The following BABAM2 variants were observed in gnomAD, a reference collection of about 807,000 sequenced individuals.
BABAM2 encodes the protein BRISC and BRCA1 A complex member 2, also known as BRISC and BRCA1-A complex member 2.
Under a neutral mutation model 54.7 loss-of-function variants are expected in BABAM2, and 31 were observed. That is an observed-to-expected ratio of 0.57 (90% confidence interval 0.43 to 0.77). BABAM2 has a LOEUF of 0.77. Among genes scored for constraint, BABAM2 ranks in the 30% least tolerant of loss-of-function variants. BABAM2 has a pLI of 0.00. For synonymous variants in BABAM2, 167 were observed against 162.9 expected (o/e 1.03, Z -0.19); for missense variants, 364 against 455.8 (o/e 0.80, Z 1.83).
intron 10 of BABAM2, among the ~76,000 whole-genome samples, chr2:28,286,143 A>G (rs1171395388): frequency 6.6e-6 from 1 of 151,886 alleles, no homozygotes; most frequent in Non-Finnish European, 1.5e-5. Context: ...TTTATTAGAA[A>G]CAGGGTTTCA....
At chr2:28,222,755 A>AC (rs1373743206) in intron 7 of BABAM2, among the ~76,000 whole-genome samples, 1 of 151,888 alleles carries the variant, frequency 6.6e-6, no homozygotes, top group African/African-American at 2.4e-5. Flanking sequence ...AGTTCCCAGA[A>AC]CCCCTTCTCT....
At chr2:28,041,217 A>G (rs1370879784) in intron 5 of BABAM2, among the ~76,000 whole-genome samples, 1 of 152,240 alleles carries the variant, frequency 6.6e-6, no homozygotes, top group Non-Finnish European at 1.5e-5. Context: ...ATATATATAT[A>G]CACACCTCTG....
At chr2:28,311,688 T>C (rs1689101681) in intron 11 of BABAM2, among the ~76,000 whole-genome samples, 1 of 152,236 alleles carries the variant, frequency 6.6e-6, no homozygotes, top group Non-Finnish European at 1.5e-5. Context: ...AGTACTGGGC[T>C]AGTACCCACC....
chr2:27,951,603 G>A (rs564216709), intron 3 of BABAM2, among the ~76,000 whole-genome samples: 17 of 152,184 alleles, frequency 1.1e-4, no homozygotes, highest in Non-Finnish European at 2.2e-4. Context: ...CTTTGGTAGA[G>A]TGTTCCATAA....
At chr2:28,308,459 G>T in intron 11 of BABAM2, 2 of 528,636 alleles carry the variant, frequency 3.8e-6, no homozygotes, top group South Asian at 1.4e-5. Flanking sequence ...TGTCCATTGT[G>T]GATGTCAAAG....
At chr2:28,117,078 G>A (rs1177370810) in intron 6 of BABAM2, among the ~76,000 whole-genome samples, 2 of 152,222 alleles carry the variant, frequency 1.3e-5, no homozygotes, top group African/African-American at 4.8e-5. Context: ...GGCCCAGGAT[G>A]TGTTACTGTG....
intron 3 of BABAM2, among the ~76,000 whole-genome samples, chr2:27,958,186 G>T (rs1670226431): frequency 6.6e-6 from 1 of 152,148 alleles, no homozygotes; most frequent in African/African-American, 2.4e-5. Context: ...TAAGAAAATG[G>T]TTGTTTTAAG....
At chr2:27,894,924 T>G in intron 2 of BABAM2, 1 of 467,796 alleles carries the variant, frequency 2.1e-6, no homozygotes. Context: ...TTTTTCTGTT[T>G]TTTCTTTGTG....
intron 10 of BABAM2, among the ~76,000 whole-genome samples, chr2:28,279,791 G>A (rs1252637582): frequency 6.8e-6 from 1 of 147,920 alleles, no homozygotes; most frequent in Admixed American, 6.9e-5. Flanking sequence ...TCAGCCTCCC[G>A]AGTAGCTGGG....
At chr2:28,073,433 G>C (rs1664356989) in intron 6 of BABAM2, among the ~76,000 whole-genome samples, 1 of 152,168 alleles carries the variant, frequency 6.6e-6, no homozygotes. Flanking sequence ...CAAAATTTAA[G>C]GTTGAAGTAA....
intron 3 of BABAM2, among the ~76,000 whole-genome samples, chr2:27,986,104 G>T (rs1368237014): frequency 1.3e-5 from 2 of 152,080 alleles, no homozygotes; most frequent in Non-Finnish European, 2.9e-5. Context: ...TTGACTGGAA[G>T]AAAAGACAGG....
intron 7 of BABAM2, among the ~76,000 whole-genome samples, chr2:28,180,808 T>G (rs1158640163): frequency 6.6e-6 from 1 of 152,062 alleles, no homozygotes. Context: ...AAGACATGAA[T>G]GTACATTTTT....
chr2:28,241,523 C>G (rs185350860), intron 9 of BABAM2, 130 bp downstream of exon 9: 5 of 806,484 alleles, frequency 6.2e-6, no homozygotes, highest in South Asian at 1.6e-5. Context: ...TTGAGACAGT[C>G]TCGCTCTGTC....
At chr2:27,981,615 A>G (rs1476775914) in intron 3 of BABAM2, among the ~76,000 whole-genome samples, 1 of 152,148 alleles carries the variant, frequency 6.6e-6, no homozygotes, top group Non-Finnish European at 1.5e-5. Flanking sequence ...TAATAATACA[A>G]TAAGTAGCCT....
At chr2:28,100,607 TA>T (rs1272558451) in intron 6 of BABAM2, among the ~76,000 whole-genome samples, 1 of 151,990 alleles carries the variant, frequency 6.6e-6, no homozygotes, top group East Asian at 1.9e-4. Context: ...CCAAACTCAA[TA>T]AATGATTTCA....
At chr2:28,103,484 T>A (rs1667256372) in intron 6 of BABAM2, among the ~76,000 whole-genome samples, 1 of 152,156 alleles carries the variant, frequency 6.6e-6, no homozygotes, top group Non-Finnish European at 1.5e-5. Context: ...AATTTTTGTA[T>A]TTTTTGTGGA....
At chr2:28,037,758 G>T (rs990382308) in intron 5 of BABAM2, among the ~76,000 whole-genome samples, 7 of 152,052 alleles carry the variant, frequency 4.6e-5, no homozygotes, top group African/African-American at 1.4e-4. Flanking sequence ...TTTTTGTCAC[G>T]GCCAAGTAGC....
chr2:28,299,139 G>A (rs1228466528), intron 11 of BABAM2, among the ~76,000 whole-genome samples: 1 of 152,188 alleles, frequency 6.6e-6, no homozygotes, highest in African/African-American at 2.4e-5. Flanking sequence ...AGTAGGACCT[G>A]TGTATTTCTT....
At chr2:28,025,937 G>A (rs1165539823) in intron 5 of BABAM2, among the ~76,000 whole-genome samples, 1 of 152,086 alleles carries the variant, frequency 6.6e-6, no homozygotes, top group East Asian at 1.9e-4. Flanking sequence ...AGAACCTTAT[G>A]TACTTCTCTT....
Sources: allele counts gnomAD v4.1 joint callset (sites outside exome capture counted in the v4.1 genomes callset), GRCh38; gene constraint gnomAD v4.1.1; transcripts MANE v1.5; gene names NCBI Gene and HGNC (gene_info 2026-07-23, HGNC 2026-07-21).